Variants in FREM1 observed in about 807,000 individuals in gnomAD.
FREM1 encodes FRAS1 related extracellular matrix 1.
A neutral mutation model predicts 210.1 loss-of-function variants in FREM1; 220 were observed. The ratio of observed to expected loss-of-function variants is 1.05; its 90% confidence interval spans 0.94 to 1.17. The LOEUF (loss-of-function observed/expected upper bound fraction) is 1.17. FREM1 is among the 50% of genes most tolerant of loss of function. FREM1 has a pLI of 0.00. For synonymous variants in FREM1, 1,189 were observed against 980.2 expected (o/e 1.21, Z -3.98); for missense variants, 3,454 against 2,675.5 (o/e 1.29, Z -6.42).
At chr9:14,777,688 T>C (rs1465071906) in intron 24 of FREM1, among the ~76,000 whole-genome samples, 1 of 152,206 alleles carries the variant, frequency 6.6e-6, no homozygotes, top group African/African-American at 2.4e-5. Context: ...TTTATATTTA[T>C]TTTACAAATC....
At chr9:14,784,020 C>T (rs562350098) in intron 24 of FREM1, among the ~76,000 whole-genome samples, 6 of 152,288 alleles carry the variant, frequency 3.9e-5, no homozygotes, top group African/African-American at 1.2e-4. Context: ...CATTTCTCCT[C>T]GTAGCAGAAC....
At chr9:14,847,624 T>G (rs796371002) in intron 7 of FREM1, among the ~76,000 whole-genome samples, 5 of 152,262 alleles carry the variant, frequency 3.3e-5, no homozygotes, top group African/African-American at 1.2e-4. Flanking sequence ...TGGTTATATC[T>G]TCACGGCGAA....
chr9:14,860,563 A>ATGTGTATATATATGTGTG (rs1564098823), intron 3 of FREM1, among the ~76,000 whole-genome samples: 17 of 125,024 alleles, frequency 1.4e-4, no homozygotes, highest in African/African-American at 5.9e-4. Flanking sequence ...ATACACACAT[A>ATGTGTATATATATGTGTG]TATATACACA....
At chr9:14,769,907 C>G in intron 26 of FREM1, 39 bp from the exon 27 acceptor site, 1 of 1,035,364 alleles carries the variant, frequency 9.7e-7, no homozygotes. Flanking sequence ...GGTAATCAAA[C>G]AAAACATTAA....
intron 35 of FREM1, among the ~76,000 whole-genome samples, chr9:14,745,697 A>C (rs1436252844): frequency 6.6e-6 from 1 of 152,216 alleles, no homozygotes; most frequent in Non-Finnish European, 1.5e-5. Context: ...ATATTAGTCT[A>C]ATTGTGTTGT....
rs541939557 is a variant in FREM1 at position 14,901,630 on chromosome 9, C to T, written c.-268+8284G>A. On this transcript the variant is annotated intron_variant, in intron 1 of 36. Transcript: ENST00000380880. Reference sequence around the variant, plus strand: ...GACAGTATGATAGTAATGCATGACACAGGTCACCTTTAGTTCACATGTCTT... The same window carrying T: ...GACAGTATGATAGTAATGCATGACATAGGTCACCTTTAGTTCACATGTCTT... Among the ~76,000 whole-genome samples the T allele has an allele frequency of 6.6e-5, 10 of 152,140 alleles. No individual in the cohort carries two copies. The East Asian group carries it at 1.5e-3, about 23-fold the overall frequency.
intron 21 of FREM1, among the ~76,000 whole-genome samples, chr9:14,794,421 A>G (rs1263810429): frequency 6.6e-6 from 1 of 152,170 alleles, no homozygotes; most frequent in Admixed American, 6.5e-5. Context: ...CTCTCTGCTG[A>G]GCATGGACAT....
At chr9:14,882,468 T>C (rs905272800) in intron 1 of FREM1, among the ~76,000 whole-genome samples, 4 of 151,306 alleles carry the variant, frequency 2.6e-5, no homozygotes, top group Admixed American at 2.6e-4. Flanking sequence ...TCTTATCTTT[T>C]TTTTTTTTTT....
intron 1 of FREM1, among the ~76,000 whole-genome samples, chr9:14,897,033 G>A (rs969892355): frequency 6.6e-6 from 1 of 152,144 alleles, no homozygotes; most frequent in South Asian, 2.1e-4. Context: ...ATCTGCTTTC[G>A]ATGACCTAAG....
chr9:14,887,661 G>T (rs1414832331), intron 1 of FREM1, among the ~76,000 whole-genome samples: 2 of 151,960 alleles, frequency 1.3e-5, no homozygotes, highest in Non-Finnish European at 1.5e-5. Context: ...ACAATTTTTA[G>T]TCTCCCCTAT....
intron 1 of FREM1, among the ~76,000 whole-genome samples, chr9:14,893,169 TTC>T (rs58771212): frequency 0.39 from 58,960 of 150,620 alleles, 13,059 homozygotes; most frequent in East Asian, 0.6. Flanking sequence ...ACTTCTCTCT[TTC>T]TCTCTCTCTC....
intron 1 of FREM1, among the ~76,000 whole-genome samples, chr9:14,903,049 G>A (rs376359331): frequency 7.2e-5 from 11 of 152,144 alleles, no homozygotes; most frequent in African/African-American, 2.7e-4. Context: ...AATCACCCTC[G>A]AGTGACATTT....
rs147046523 is a variant in FREM1, at chr9:14,902,641, C to G, written c.-268+7273G>C. 2.3e-3 allele frequency among the ~76,000 whole-genome samples: 357 copies of G among 152,240 alleles called. 1 individual carries two copies. Among genetic ancestry groups the G allele is most frequent in the African/African-American group, 8.3e-3 (343 of 41,558 alleles). On this transcript the variant is annotated intron_variant, in intron 1 of 36. Transcript: ENST00000380880. ...ACTGCCACCTCCTAGCTTGAACAGT[C>G]AAATCAGCACCACAGAGGCTCTACG...
chr9:14,763,268 G>A (rs994311671), intron 27 of FREM1, among the ~76,000 whole-genome samples: 1 of 152,178 alleles, frequency 6.6e-6, no homozygotes. Flanking sequence ...CCTCGCATTA[G>A]ATGTAGGAGC....
chr9:14,805,064 G>GC lies in FREM1; in HGVS notation c.3362_3363insG (p.Phe1121LeufsTer26). 3 of 1,612,888 alleles carry GC rather than the reference G, an allele frequency of 1.9e-6. No individual in the cohort carries two copies. The highest frequency in any genetic ancestry group is 2.5e-6 in the Non-Finnish European group (3 of 1,178,916). On this transcript the variant is annotated frameshift_variant, in exon 19 of 37. Coordinates refer to ENST00000380880, the MANE Select transcript of FREM1 (RefSeq NM_001379081.2). LOFTEE classifies it high-confidence loss of function. ...GCTTCCCATCTGTGACGTACACCGT[G>GC]AACTGGTCGGCAGTTGGTTCTATCC...
intron 3 of FREM1, among the ~76,000 whole-genome samples, chr9:14,862,627 C>G (rs549740337): frequency 1.3e-5 from 2 of 152,276 alleles, no homozygotes; most frequent in South Asian, 4.1e-4. Flanking sequence ...TTCATCAACC[C>G]CAAAAGAGAC....
chr9:14,748,504 G>A lies in FREM1; in HGVS notation c.5693C>T (p.Pro1898Leu). Reference sequence around the variant, plus strand: ...GATGACTGCTAGCTGCATGGAAGATGGAAGAGGTCTTCTTTCCAGATGAAA... The same window carrying A: ...GATGACTGCTAGCTGCATGGAAGATAGAAGAGGTCTTCTTTCCAGATGAAA... ...GSFHLERRPL[P>L]SSMQLAVIRG... The change falls in exon 31 of 37, where the codon CCA becomes CTA. Residue 1898 changes from proline to leucine, a missense_variant. Transcript: ENST00000380880. The A allele has an allele frequency of 1.2e-6, 2 of 1,613,790 alleles. No homozygotes were observed. The highest frequency in any genetic ancestry group is 2.2e-5 in the East Asian group (1 of 44,882).
intron 17 of FREM1, 136 bp downstream of exon 17, chr9:14,807,804 G>T (rs578244036): frequency 1.5e-6 from 1 of 657,166 alleles, no homozygotes; most frequent in South Asian, 2.9e-5. Context: ...CAAAATTTGT[G>T]TTGAGGTAAT....
At chr9:14,824,584 A>G (rs1306130969) in intron 11 of FREM1, among the ~76,000 whole-genome samples, 3 of 152,234 alleles carry the variant, frequency 2.0e-5, no homozygotes, top group African/African-American at 7.2e-5. Flanking sequence ...TGAAGACACT[A>G]CAAGCTGCAG....
Sources: allele counts gnomAD v4.1 joint callset (sites outside exome capture counted in the v4.1 genomes callset), GRCh38; gene constraint gnomAD v4.1.1; transcripts MANE v1.5; gene names NCBI Gene and HGNC (gene_info 2026-07-23, HGNC 2026-07-21).